Variants in ADORA1 observed in about 807,000 individuals in gnomAD.
ADORA1 encodes the protein adenosine receptor A1.
Under a neutral mutation model 19.9 loss-of-function variants are expected in ADORA1, and 6 were observed. The ratio of observed to expected loss-of-function variants is 0.30; its 90% confidence interval spans 0.17 to 0.59. The LOEUF is 0.59. ADORA1 is among the 20% of genes least tolerant of loss of function. ADORA1 has a pLI of 0.87. For synonymous variants in ADORA1, 194 were observed against 188.4 expected (o/e 1.03, Z -0.24); for missense variants, 302 against 439.2 (o/e 0.69, Z 2.79).
intron 3 of ADORA1, among the ~76,000 whole-genome samples, chr1:203,145,590 G>T (rs1654833227): frequency 6.6e-6 from 1 of 152,232 alleles, no homozygotes; most frequent in South Asian, 2.1e-4. Flanking sequence ...AGTCTGGCTG[G>T]CTGAGCCAGT....
In ADORA1 at chr1:203,128,801, C is replaced by A; in HGVS notation, c.-41C>A. 6.4e-7 allele frequency: 1 copy of A among 1,553,304 alleles called. No individual in the cohort carries two copies. Among genetic ancestry groups the A allele is most frequent in the Non-Finnish European group, 8.7e-7 (1 of 1,153,258 alleles). The stretch of plus-strand genomic sequence containing the variant: ...ACCACACAGGTGCTTGCCTCGTGCC[C>A]CTTGGTGCCCGTCTGCTGATGTGCC... On this transcript the variant is annotated 5_prime_UTR_variant, in exon 3 of 4. Transcript: ENST00000337894. This position sits in a 1 kb window ranked among gnomAD's most constrained non-coding sequence, Gnocchi z 5.9.
chr1:203,129,314 C>T (rs1159693462), intron 3 of ADORA1, 132 bp downstream of exon 3: 1 of 1,448,174 alleles, frequency 6.9e-7, no homozygotes, highest in Non-Finnish European at 9.1e-7. Context: ...TGCTCCAGTC[C>T]TCACTCTGCC....
At chr1:203,140,586 G>A (rs773159144) in intron 3 of ADORA1, among the ~76,000 whole-genome samples, 14 of 152,098 alleles carry the variant, frequency 9.2e-5, no homozygotes, top group South Asian at 2.1e-4. Flanking sequence ...AGGAGGAGGG[G>A]CTCTCTCTTA....
intron 3 of ADORA1, among the ~76,000 whole-genome samples, chr1:203,153,061 C>T (rs1023062542): frequency 2.6e-5 from 4 of 152,180 alleles, no homozygotes; most frequent in African/African-American, 9.7e-5. Context: ...CAAATCCAAA[C>T]TTCTGTTTGT....
Position 203,139,935 on chromosome 1 carries a change from A to AT in ADORA1, c.341+10760dup, listed in dbSNP as rs532122611. 6.0e-3 allele frequency among the ~76,000 whole-genome samples: 916 copies of AT among 152,270 alleles called. 1 individual carries two copies. The highest frequency in any genetic ancestry group is 6.8e-3 in the Non-Finnish European group (462 of 68,016). Reference sequence around the variant, plus strand: ...TTGTGGTTCATGGTCAAGAGTTTGGATTTTTTTCTAAGTGTGCTATGAAGC... The same window carrying AT: ...TTGTGGTTCATGGTCAAGAGTTTGGATTTTTTTTCTAAGTGTGCTATGAAGC... On this transcript the variant is annotated intron_variant, in intron 3 of 3. Coordinates refer to ENST00000337894, the MANE Select transcript of ADORA1 (RefSeq NM_000674.3).
rs1654227202 is a variant in ADORA1, at chr1:203,128,514, T to TGC, written c.-58+91_-58+92dup. 1 of 1,086,754 alleles carries TGC rather than the reference T, an allele frequency of 9.2e-7. No individual in the cohort carries two copies. The highest frequency in any genetic ancestry group is 1.2e-6 in the Non-Finnish European group (1 of 816,540). 67.3% of individuals were successfully genotyped at this position (1,086,754 alleles called of 1,614,324 possible). A position where few individuals can be genotyped will look rare whatever the true frequency, so the allele number is the denominator to read the frequency against. ...ACCCCTCTGTGCGTGTGTCTGTGTG[T>TGC]GCGCGCGCGCTGGGAGCTGCCTCAC... On this transcript the variant is annotated intron_variant, in intron 2 of 3. Coordinates refer to ENST00000337894, the MANE Select transcript of ADORA1 (RefSeq NM_000674.3). This position sits in a 1 kb window ranked among gnomAD's most constrained non-coding sequence, Gnocchi z 5.9.
In ADORA1 at chr1:203,165,462, C is replaced by G; in HGVS notation, c.543C>G (p.Val181=). 2 of 1,613,724 alleles carry G rather than the reference C, an allele frequency of 1.2e-6. No homozygotes were observed. The highest frequency in any genetic ancestry group is 1.7e-4 in the Middle Eastern group (1 of 6,060). Residue 181 remains valine, a synonymous_variant, in exon 4 of 4, where the codon GTC becomes GTG. Coordinates refer to ENST00000337894, the MANE Select transcript of ADORA1 (RefSeq NM_000674.3). This position sits in a 1 kb window ranked among gnomAD's most constrained non-coding sequence, Gnocchi z 5.9. ...FEKVISMEYM[V]YFNFFVWVLP... Reference sequence around the variant, plus strand: ...AGGTCATCAGCATGGAGTACATGGTCTACTTCAACTTCTTTGTGTGGGTGC... The same window carrying G: ...AGGTCATCAGCATGGAGTACATGGTGTACTTCAACTTCTTTGTGTGGGTGC...
rs752666423 is a variant in ADORA1 at position 203,165,191 on chromosome 1, G to A, written c.342-70G>A. On this transcript the variant is annotated intron_variant, in intron 3 of 3. Coordinates refer to ENST00000337894, the MANE Select transcript of ADORA1 (RefSeq NM_000674.3). The surrounding 1 kb of genome is among the most constrained non-coding windows in gnomAD (Gnocchi z 5.9). ...CCTCTTAGAGGCCCCTGGAGGCCAG[G>A]CGTGCCTCAGAGGGGCCTTTCGAGG... The A allele has an allele frequency of 1.9e-6, 3 of 1,601,782 alleles. No homozygotes were observed. The highest frequency in any genetic ancestry group is 2.6e-6 in the Non-Finnish European group (3 of 1,174,560).
At chr1:203,134,658 A>AT (rs1202799025) in intron 3 of ADORA1, among the ~76,000 whole-genome samples, 1 of 152,156 alleles carries the variant, frequency 6.6e-6, no homozygotes, top group African/African-American at 2.4e-5. Context: ...GACATTTGCT[A>AT]TTTATTTCCA....
chr1:203,138,250 G>C (rs559360511), intron 3 of ADORA1, among the ~76,000 whole-genome samples: 4 of 152,288 alleles, frequency 2.6e-5, no homozygotes, highest in South Asian at 2.1e-4. Context: ...TGACTTTGGC[G>C]TGTCTAACAG....
intron 3 of ADORA1, among the ~76,000 whole-genome samples, chr1:203,136,737 G>T (rs1654523716): frequency 6.6e-6 from 1 of 152,208 alleles, no homozygotes; most frequent in Non-Finnish European, 1.5e-5. Context: ...TGCAGCTCAG[G>T]TTGTGTAGGA....
Position 203,165,768 on chromosome 1 carries a change from G to A in ADORA1, c.849G>A (p.Met283Ile), listed in dbSNP as rs1443371693. 3 of 1,613,842 alleles carry A rather than the reference G, an allele frequency of 1.9e-6. No individual in the cohort carries two copies. The highest frequency in any genetic ancestry group is 2.5e-6 in the Non-Finnish European group (3 of 1,179,896). Reference protein sequence around the residue: ...AIFLTHGNSAMNPIVYAFRIQ... With the variant: ...AIFLTHGNSAINPIVYAFRIQ... The stretch of plus-strand genomic sequence containing the variant: ...TCCTCACGCACGGCAACTCGGCCAT[G>A]AACCCCATTGTCTATGCCTTCCGCA... Residue 283 changes from methionine (M) to isoleucine (I), a missense_variant, in exon 4 of 4, where the codon ATG becomes ATA. Physicochemically the swap from Met to Ile is conservative, Grantham distance 10. Transcript: ENST00000337894. This position sits in a 1 kb window ranked among gnomAD's most constrained non-coding sequence, Gnocchi z 5.9.
intron 3 of ADORA1, among the ~76,000 whole-genome samples, chr1:203,137,440 A>G (rs1329934706): frequency 6.6e-6 from 1 of 152,182 alleles, no homozygotes; most frequent in East Asian, 1.9e-4. Flanking sequence ...CAGGATTTAG[A>G]GCAGAGATGT....
In ADORA1 at chr1:203,128,493, CT is replaced by C. The variant is rs758516403; in HGVS notation, c.-58+62del. 1.1e-4 allele frequency: 134 copies of C among 1,212,228 alleles called. No individual in the cohort carries two copies. Among genetic ancestry groups the C allele is most frequent in the Non-Finnish European group, 1.4e-4 (130 of 920,390 alleles). 75.1% of individuals were successfully genotyped at this position (1,212,228 alleles called of 1,614,324 possible). A position where few individuals can be genotyped will look rare whatever the true frequency, so the allele number is the denominator to read the frequency against. ...GGGCAGAGCCAGTCATGGGAGACCCCTCTGTGCGTGTGTCTGTGTGTGCGCG... is the reference window on the plus strand; with the variant it reads ...GGGCAGAGCCAGTCATGGGAGACCCCCTGTGCGTGTGTCTGTGTGTGCGCG... On this transcript the variant is annotated intron_variant, in intron 2 of 3. Coordinates refer to ENST00000337894, the MANE Select transcript of ADORA1 (RefSeq NM_000674.3). This position sits in a 1 kb window ranked among gnomAD's most constrained non-coding sequence, Gnocchi z 5.9.
At chr1:203,145,673 C>T (rs568866520) in intron 3 of ADORA1, among the ~76,000 whole-genome samples, 4 of 152,336 alleles carry the variant, frequency 2.6e-5, no homozygotes, top group African/African-American at 4.8e-5. Context: ...GCTTCTACCT[C>T]GGTGAAGTGG....
intron 3 of ADORA1, among the ~76,000 whole-genome samples, chr1:203,141,214 C>T (rs565164106): frequency 2.1e-5 from 3 of 143,528 alleles, no homozygotes; most frequent in African/African-American, 2.5e-5. Context: ...CTGGCCTGCT[C>T]GTGGCAGCCC....
At position 203,167,139 on chromosome 1, in the gene ADORA1, T is replaced by G. The variant is rs200428410; in HGVS notation, c.*1239T>G. ...TGCCCTGCCAAGCCTGGAGCCCCTG[T>G]GTTGGGGGGCAAGGTGGGGGAGCCT... On this transcript the variant is annotated 3_prime_UTR_variant, in exon 4 of 4. Transcript: ENST00000337894. 4 of 146,332 alleles carry G rather than the reference T, an allele frequency of 2.7e-5. No individual in the cohort carries two copies. Among genetic ancestry groups the G allele is most frequent in the African/African-American group, 5.2e-5 (2 of 38,388 alleles). 9.1% of individuals were successfully genotyped at this position (146,332 alleles called of 1,614,324 possible).
intron 3 of ADORA1, among the ~76,000 whole-genome samples, chr1:203,154,330 T>C (rs1279056772): frequency 6.6e-6 from 1 of 152,346 alleles, no homozygotes; most frequent in South Asian, 2.1e-4. Context: ...TTCTTCCTGA[T>C]GCAGCTTTAC....
intron 3 of ADORA1, among the ~76,000 whole-genome samples, chr1:203,143,291 T>C (rs1463172285): frequency 6.6e-6 from 1 of 152,224 alleles, no homozygotes; most frequent in Non-Finnish European, 1.5e-5. Flanking sequence ...TCAGATCTCT[T>C]GTCCTCTTCT....
Sources: gnomAD v4.1 joint callset for allele counts (sites outside exome capture counted in the v4.1 genomes callset) on GRCh38, gnomAD v4.1.1 for gene constraint, Gnocchi (gnomAD v3.1) non-coding constraint, MANE v1.5 for transcripts, NCBI Gene and HGNC (gene_info 2026-07-23, HGNC 2026-07-21) for gene names.